EPB41L3: variants seen among roughly 807,000 people sequenced by gnomAD.
EPB41L3 encodes band 4.1-like protein 3.
In EPB41L3, 57 loss-of-function variants were observed where a neutral mutation model predicts 127.1. That is an observed-to-expected ratio of 0.45 (90% CI 0.36 to 0.56). The LOEUF is 0.56. EPB41L3 is among the 20% of genes least tolerant of loss of function. The pLI is 0.00. For missense variants in EPB41L3, 1,273 were observed against 1,372.2 expected (o/e 0.93, Z 1.14); for synonymous variants, 572 against 549.5 (o/e 1.04, Z -0.57).
intron 2 of EPB41L3, among the ~76,000 whole-genome samples, chr18:5,613,497 C>A (rs1039253171): frequency 3.9e-5 from 6 of 152,294 alleles, no homozygotes; most frequent in South Asian, 2.1e-4. Context: ...ACCCTATTGA[C>A]CCCTCCAACC....
At chr18:5,394,834 G>A (rs1343990962) in intron 21 of EPB41L3, 41 bp from the exon 22 acceptor site, 1 of 1,582,060 alleles carries the variant, frequency 6.3e-7, no homozygotes, top group Non-Finnish European at 8.7e-7. Context: ...ACAAAAAGGA[G>A]GTGGAACATG....
rs972312448 is a variant in EPB41L3 at position 5,406,474 on chromosome 18, G to A, written c.2349+303C>T. On this transcript the variant is annotated intron_variant, in intron 16 of 22. Transcript: ENST00000341928. ...CGGAAAAAGTGTCAATGCATGAAGA[G>A]AATACCCTGATTTCTCTCAGCTATA... is the stretch of plus-strand genomic sequence containing the variant. Among the ~76,000 whole-genome samples the A allele has an allele frequency of 4.6e-5, 7 of 152,234 alleles. No individual in the cohort carries two copies. In the South Asian group the frequency reaches 1.5e-3, roughly 32 times the overall value.
rs150384501 is a variant in EPB41L3 at position 5,416,300 on chromosome 18, G to A, written c.1585C>T (p.Arg529Cys). The change falls in exon 13 of 23, where the codon CGT becomes TGT. Residue 529 changes from arginine (R) to cysteine (C), a missense_variant. This residue lies in a region of EPB41L3 where 765 missense variants were observed against 782.9 expected (regional missense o/e 0.98). Transcript: ENST00000341928. ...CAGTCATTCTCCTTACACCTCCTAC[G>A]GAGCTCTGTGGGAGATGTGGGGGCA... is the stretch of plus-strand genomic sequence containing the variant. Reference protein sequence around the residue: ...HCAPTSPTELRRRCKENDCKL... With the variant: ...HCAPTSPTELCRRCKENDCKL... 99 of 1,614,092 alleles carry A rather than the reference G, an allele frequency of 6.1e-5. No homozygotes were observed. Among genetic ancestry groups the A allele is most frequent in the African/African-American group, 5.1e-4 (38 of 75,016 alleles).
intron 3 of EPB41L3, among the ~76,000 whole-genome samples, chr18:5,589,113 A>C (rs1617563): frequency 1.4e-3 from 217 of 152,058 alleles, no homozygotes; most frequent in Non-Finnish European, 2.5e-3. Flanking sequence ...TTACAACTAA[A>C]GACATAAAAA....
At chr18:5,427,888 G>C (rs989421654) in intron 9 of EPB41L3, among the ~76,000 whole-genome samples, 1 of 151,972 alleles carries the variant, frequency 6.6e-6, no homozygotes, top group Admixed American at 6.5e-5. Flanking sequence ...TGGGAATATA[G>C]GCACCTGCCA....
chr18:5,478,468 AT>A (rs1239977729), intron 2 of EPB41L3, 30 bp from the exon 3 acceptor site: 1 of 1,609,172 alleles, frequency 6.2e-7, no homozygotes, highest in Non-Finnish European at 8.5e-7. Context: ...AACAGTTTTC[AT>A]TGCAAGGTGG....
chr18:5,407,406 C>T (rs2075580298), intron 15 of EPB41L3: 2 of 444,578 alleles, frequency 4.5e-6, no homozygotes, highest in South Asian at 4.5e-5. Flanking sequence ...ACAACACACA[C>T]AGACATGCAC....
At chr18:5,501,113 T>A (rs2091707634) in intron 1 of EPB41L3, among the ~76,000 whole-genome samples, 1 of 152,176 alleles carries the variant, frequency 6.6e-6, no homozygotes, top group Admixed American at 6.5e-5. Flanking sequence ...GAATAATGTT[T>A]GATCAAATCA....
rs909546916 is a variant in EPB41L3, at chr18:5,564,590, G to C, written c.-306+47750C>G. ...GGATCAAGGCACAGGCGGAGGTAAT[G>C]CCCTTGAACTGAGGGCTTCTCCTTC... On this transcript the variant is annotated intron_variant, in intron 3 of 21. Coordinates refer to the EPB41L3 transcript ENST00000545076. 2.4e-4 allele frequency among the ~76,000 whole-genome samples: 36 copies of C among 152,104 alleles called. 1 individual carries two copies. Among genetic ancestry groups the C allele is most frequent in the South Asian group, 2.1e-4 (1 of 4,830 alleles).
At chr18:5,502,564 C>G (rs896260822) in intron 1 of EPB41L3, among the ~76,000 whole-genome samples, 1 of 152,140 alleles carries the variant, frequency 6.6e-6, no homozygotes, top group Non-Finnish European at 1.5e-5. Flanking sequence ...CACACTGATG[C>G]CTTATTTTAA....
chr18:5,409,020 CTCT>C (rs2075859808), intron 14 of EPB41L3, among the ~76,000 whole-genome samples: 1 of 152,190 alleles, frequency 6.6e-6, no homozygotes, highest in Non-Finnish European at 1.5e-5. Flanking sequence ...CTAGGTCTCC[CTCT>C]TCTTATTTGC....
At chr18:5,410,358 T>C (rs1439392086) in intron 14 of EPB41L3, among the ~76,000 whole-genome samples, 1 of 152,190 alleles carries the variant, frequency 6.6e-6, no homozygotes, top group Admixed American at 6.5e-5. Context: ...ATGAGAAACA[T>C]GAGGCTGGAA....
intron 14 of EPB41L3, among the ~76,000 whole-genome samples, chr18:5,409,387 T>C (rs1441319069): frequency 6.6e-6 from 1 of 152,208 alleles, no homozygotes; most frequent in Non-Finnish European, 1.5e-5. Flanking sequence ...ACCCTGTGGC[T>C]ACATGTAACT....
chr18:5,515,625 G>T (rs1183237646), intron 1 of EPB41L3, among the ~76,000 whole-genome samples: 2 of 152,076 alleles, frequency 1.3e-5, no homozygotes. Context: ...AAGTAAGAAA[G>T]AACAGGCAAA....
upstream of EPB41L3, among the ~76,000 whole-genome samples, chr18:5,546,220 A>G (rs937546618): frequency 6.6e-6 from 1 of 152,212 alleles, no homozygotes; most frequent in Non-Finnish European, 1.5e-5. Context: ...TTAGACAACT[A>G]AGTATTTTTT....
intron 1 of EPB41L3, among the ~76,000 whole-genome samples, chr18:5,531,809 T>C (rs758465989): frequency 3.3e-5 from 5 of 151,758 alleles, no homozygotes; most frequent in Non-Finnish European, 7.4e-5. Context: ...GGAACATGAT[T>C]CTGTAAGGAA....
chr18:5,395,873 C>G (rs992426640), intron 19 of EPB41L3, among the ~76,000 whole-genome samples, 166 bp from the exon 20 acceptor site: 1 of 152,150 alleles, frequency 6.6e-6, no homozygotes, highest in Non-Finnish European at 1.5e-5. Flanking sequence ...CTAAGTGCAA[C>G]CACAGGTAAC....
intron 3 of EPB41L3, among the ~76,000 whole-genome samples, chr18:5,450,087 G>A (rs2146555917): frequency 6.6e-6 from 1 of 152,222 alleles, no homozygotes; most frequent in Non-Finnish European, 1.5e-5. Context: ...AGATAATGGG[G>A]GGGACTACTG....
intron 3 of EPB41L3, among the ~76,000 whole-genome samples, chr18:5,557,428 G>C (rs1040305903): frequency 4.6e-5 from 7 of 152,218 alleles, no homozygotes; most frequent in Middle Eastern, 3.4e-3. Context: ...CTCTTGCCCA[G>C]ACTGGAGTGC....
Sources: allele counts gnomAD v4.1 joint callset (sites outside exome capture counted in the v4.1 genomes callset), GRCh38; gene constraint gnomAD v4.1.1; regional missense constraint gnomAD v4.1.1; transcripts MANE v1.5; gene names NCBI Gene and HGNC (gene_info 2026-07-23, HGNC 2026-07-21).